Variants in CENPN observed in about 807,000 individuals in gnomAD.
CENPN encodes the protein centromere protein N, also known as interphase centromere complex protein 32.
In CENPN, 36 loss-of-function variants were observed where a neutral mutation model predicts 48.6. That is an observed-to-expected ratio of 0.74 (90% CI 0.57 to 0.98). CENPN has a LOEUF of 0.98. CENPN is among the 50% of genes least tolerant of loss of function. The pLI is 0.00. For missense variants in CENPN, 439 were observed against 399.2 expected, an observed-to-expected ratio of 1.10 and a Z score of -0.85; for synonymous variants, 166 against 135.2, an observed-to-expected ratio of 1.23 and a Z score of -1.58.
chr16:81,026,997 G>T (rs1970531184), intron 9 of CENPN, among the ~76,000 whole-genome samples: 1 of 151,650 alleles, frequency 6.6e-6, no homozygotes, highest in Admixed American at 6.6e-5. Context: ...GGGTTTCATC[G>T]TGTTGGCCAG....
chr16:81,022,850 G>A (rs746720951), intron 7 of CENPN, 152 bp downstream of exon 7: 1 of 1,612,230 alleles, frequency 6.2e-7, no homozygotes. Context: ...GAACATGAAA[G>A]GAAAATAAAA....
At chr16:81,009,968 G>A (rs1969675368) in intron 1 of CENPN, among the ~76,000 whole-genome samples, 1 of 152,228 alleles carries the variant, frequency 6.6e-6, no homozygotes, top group African/African-American at 2.4e-5. Context: ...GGAGGCCGAG[G>A]AGGGCAGATC....
intron 7 of CENPN, chr16:81,023,865 A>T (rs953252997): frequency 1.3e-5 from 2 of 152,188 alleles, no homozygotes; most frequent in African/African-American, 4.8e-5. Flanking sequence ...CGGATCACAA[A>T]GTCAGGAGAT....
At chr16:81,007,525 G>A (rs1376304709) in intron 1 of CENPN, 1 of 152,236 alleles carries the variant, frequency 6.6e-6, no homozygotes, top group African/African-American at 2.4e-5. Flanking sequence ...GTAGGCTCGC[G>A]ACTGCGTCAG....
chr16:81,028,412 C>A, intron 10 of CENPN, 115 bp downstream of exon 10: 2 of 1,484,450 alleles, frequency 1.3e-6, no homozygotes, highest in African/African-American at 1.4e-5. Flanking sequence ...GCTAGCCCAT[C>A]CTGCTCTCTC....
downstream of CENPN, chr16:81,032,444 T>TGG: frequency 1.1e-6 from 1 of 905,900 alleles, no homozygotes; most frequent in Non-Finnish European, 1.7e-6. Flanking sequence ...CACACCCCAT[T>TGG]GGGGGTTGGG....
At chr16:81,011,224 C>T (rs1469379512) in intron 1 of CENPN, among the ~76,000 whole-genome samples, 1 of 152,216 alleles carries the variant, frequency 6.6e-6, no homozygotes, top group Non-Finnish European at 1.5e-5. Context: ...GACTCCTTCT[C>T]CTACAAGGAT....
In CENPN at chr16:81,028,597, G is replaced by A; in HGVS notation, c.966G>A (p.Leu322=). Residue 322 remains leucine (L), a synonymous_variant, in exon 11 of 11, where the codon CTG becomes CTA. Coordinates refer to ENST00000305850, the MANE Select transcript of CENPN (RefSeq NM_001100624.3). The stretch of plus-strand genomic sequence containing the variant: ...TTGCAGATGCTCCACTTTCTCCACT[G>A]CTCACTTGCATACCCAACAAGAGAA... ...AGIADAPLSP[L]LTCIPNKRMN... is the part of the protein sequence containing the mutation. 6.2e-7 allele frequency: 1 copy of A among 1,608,090 alleles called. No individual in the cohort carries two copies. Among genetic ancestry groups the A allele is most frequent in the Non-Finnish European group, 8.5e-7 (1 of 1,178,166 alleles).
downstream of CENPN, chr16:81,032,467 T>G: frequency 8.3e-7 from 1 of 1,211,232 alleles, no homozygotes; most frequent in Non-Finnish European, 1.2e-6. Context: ...ATCATCACTC[T>G]GATGCCTCCC....
chr16:81,021,993 A>C (rs1476718809), intron 6 of CENPN, among the ~76,000 whole-genome samples: 1 of 152,192 alleles, frequency 6.6e-6, no homozygotes, highest in Non-Finnish European at 1.5e-5. Flanking sequence ...TCCCGACTTC[A>C]AGTGATCCAC....
chr16:81,014,884 T>C (rs1969876395), intron 3 of CENPN, among the ~76,000 whole-genome samples: 1 of 152,220 alleles, frequency 6.6e-6, no homozygotes, highest in Non-Finnish European at 1.5e-5. Flanking sequence ...AACCATTCTT[T>C]TCTCACTTTC....
At chr16:81,020,856 G>A (rs183643539) in intron 6 of CENPN, among the ~76,000 whole-genome samples, 41 of 152,228 alleles carry the variant, frequency 2.7e-4, no homozygotes, top group African/African-American at 9.6e-4. Context: ...TTGGGAGGCC[G>A]AGGCAGGTGG....
At chr16:81,007,815 T>C (rs1969516690) in intron 1 of CENPN, among the ~76,000 whole-genome samples, 1 of 152,076 alleles carries the variant, frequency 6.6e-6, no homozygotes, top group Non-Finnish European at 1.5e-5. Context: ...TAAAGAAAGT[T>C]TTAAAATGGG....
In CENPN at chr16:81,017,368, A is replaced by C. The variant is rs779010537; in HGVS notation, c.260A>C (p.Gln87Pro). ...CACCAGAAAGTTTGGGAAGTTTTTC[A>C]GATGAGTAAAGGACCAGGTAATATT... Reference protein sequence around the residue: ...HQHQKVWEVFQMSKGPGEDVD... With the variant: ...HQHQKVWEVFPMSKGPGEDVD... Residue 87 changes from glutamine to proline, a missense_variant, in exon 4 of 11, where the codon CAG (glutamine) becomes CCG (proline). Coordinates refer to ENST00000305850, the MANE Select transcript of CENPN (RefSeq NM_001100624.3). 6 of 1,590,322 alleles carry C rather than the reference A, an allele frequency of 3.8e-6. No homozygotes were observed.
chr16:81,018,895 C>G (rs886830477), intron 5 of CENPN, among the ~76,000 whole-genome samples: 2 of 152,238 alleles, frequency 1.3e-5, no homozygotes, highest in African/African-American at 4.8e-5. Context: ...GCATCTCACT[C>G]AAGTCCCTCC....
chr16:81,021,969 G>A (rs1415084562), intron 6 of CENPN, among the ~76,000 whole-genome samples: 2 of 152,140 alleles, frequency 1.3e-5, no homozygotes, highest in Non-Finnish European at 2.9e-5. Context: ...ATGTTGCCCA[G>A]GCTGGTCTCA....
chr16:81,025,689 CTCTTTTTTTT>C (rs1288459590), intron 8 of CENPN, among the ~76,000 whole-genome samples: 13,657 of 135,076 alleles, frequency 0.1, 1,214 homozygotes, highest in East Asian at 0.19. Flanking sequence ...GACCCTGTCT[CTCTTTTTTTT>C]TTTTTTTTTT....
chr16:81,022,515 A>T, intron 6 of CENPN, 82 bp from the exon 7 acceptor site: 1 of 1,147,650 alleles, frequency 8.7e-7, no homozygotes, highest in Non-Finnish European at 1.3e-6. Context: ...CCCTAATTGC[A>T]GCTCTTACAT....
intron 8 of CENPN, among the ~76,000 whole-genome samples, chr16:81,026,143 GTA>G (rs372229919): frequency 4.9e-5 from 7 of 143,218 alleles, no homozygotes; most frequent in Non-Finnish European, 7.5e-5. Context: ...ATATATATAT[GTA>G]TATATATATG....
Sources: gnomAD v4.1 joint callset for allele counts (sites outside exome capture counted in the v4.1 genomes callset) on GRCh38, gnomAD v4.1.1 for gene constraint, MANE v1.5 for transcripts, NCBI Gene and HGNC (gene_info 2026-07-23, HGNC 2026-07-21) for gene names.